Variants in CORIN observed in about 807,000 individuals in gnomAD.
CORIN encodes the protein atrial natriuretic peptide-converting enzyme.
A neutral mutation model predicts 125.3 loss-of-function variants in CORIN; 117 were observed. The ratio of observed to expected loss-of-function variants is 0.93; its 90% CI spans 0.80 to 1.09. The LOEUF is 1.09. Ranked by LOEUF, CORIN falls within the 50% of genes least tolerant of loss-of-function variation. The probability of loss-of-function intolerance (pLI) is 0.00; values close to 1 mark genes in which losing one functional copy is unlikely to be tolerated. For missense variants in CORIN, 1,253 were observed against 1,306.7 expected, an observed-to-expected ratio of 0.96 and a Z score of 0.63; for synonymous variants, 450 against 466.4, an observed-to-expected ratio of 0.96 and a Z score of 0.45.
intron 2 of CORIN, among the ~76,000 whole-genome samples, chr4:47,800,023 G>A (rs560738524): frequency 2.6e-5 from 4 of 152,230 alleles, no homozygotes; most frequent in Non-Finnish European, 4.4e-5. Context: ...CATACAGAAT[G>A]TCTAGAATAG....
At chr4:47,669,386 C>T (rs1050067514) in intron 10 of CORIN, among the ~76,000 whole-genome samples, 1 of 151,988 alleles carries the variant, frequency 6.6e-6, no homozygotes, top group Non-Finnish European at 1.5e-5. Flanking sequence ...ATCTTTGCCT[C>T]AAACTCTAAA....
At chr4:47,835,166 T>G (rs969687881) in intron 1 of CORIN, among the ~76,000 whole-genome samples, 9 of 152,084 alleles carry the variant, frequency 5.9e-5, no homozygotes, top group Admixed American at 3.9e-4. Flanking sequence ...AGTCTTGGAA[T>G]CCCTTGAGTG....
At chr4:47,756,562 T>C (rs1326813066) in intron 4 of CORIN, among the ~76,000 whole-genome samples, 2 of 152,220 alleles carry the variant, frequency 1.3e-5, no homozygotes, top group African/African-American at 2.4e-5. Context: ...AACTGTAGTA[T>C]ACTATGGAAA....
chr4:47,716,576 C>T (rs1727101989), intron 5 of CORIN, among the ~76,000 whole-genome samples: 1 of 152,068 alleles, frequency 6.6e-6, no homozygotes, highest in African/African-American at 2.4e-5. Context: ...GGAAATTTTT[C>T]ACTTAATATT....
chr4:47,623,069 C>CCTCTCTCTCTCTCTCTCTCT (rs372736248), intron 19 of CORIN, among the ~76,000 whole-genome samples: 35 of 93,526 alleles, frequency 3.7e-4, no homozygotes, highest in African/African-American at 1.1e-3. Context: ...CATAACATAA[C>CCTCTCTCTCTCTCTCTCTCT]CTCTCTCTCT....
At chr4:47,632,564 G>C (rs73140099) in intron 16 of CORIN, 43 of 152,278 alleles carry the variant, frequency 2.8e-4, no homozygotes, top group African/African-American at 1.0e-3. Context: ...CTCTGCTACA[G>C]AAACATTTCT....
At chr4:47,823,814 AGACG>A (rs1732622589) in intron 1 of CORIN, among the ~76,000 whole-genome samples, 1 of 152,214 alleles carries the variant, frequency 6.6e-6, no homozygotes, top group Admixed American at 6.5e-5. Flanking sequence ...ACCCTGTCCC[AGACG>A]CCGTGCTCAT....
chr4:47,783,176 T>C (rs927555867), intron 3 of CORIN, among the ~76,000 whole-genome samples: 28 of 152,006 alleles, frequency 1.8e-4, no homozygotes, highest in Admixed American at 2.6e-4. Flanking sequence ...AAGTTAAATA[T>C]ATATTTAAAT....
chr4:47,756,620 T>C (rs1239594529), intron 4 of CORIN, among the ~76,000 whole-genome samples: 2 of 152,144 alleles, frequency 1.3e-5, no homozygotes, highest in African/African-American at 4.8e-5. Flanking sequence ...TCAGGTGTAA[T>C]TTTTAATCTT....
intron 5 of CORIN, among the ~76,000 whole-genome samples, chr4:47,709,497 G>A (rs1431413639): frequency 6.6e-6 from 1 of 151,906 alleles, no homozygotes; most frequent in Non-Finnish European, 1.5e-5. Context: ...TTGCCATGTT[G>A]CCCAGGCTAG....
chr4:47,805,872 C>G (rs1731771678), intron 2 of CORIN, among the ~76,000 whole-genome samples: 1 of 152,190 alleles, frequency 6.6e-6, no homozygotes, highest in Admixed American at 6.5e-5. Context: ...GCAATTAGAT[C>G]AGCATCGTCT....
Position 47,626,401 on chromosome 4 carries a change from T to C in CORIN, c.2315+4A>G. The C allele has an allele frequency of 6.6e-6, 10 of 1,526,150 alleles. No homozygotes were observed. The highest frequency in any genetic ancestry group is 9.1e-6 in the Non-Finnish European group (10 of 1,099,884). The allele number at this position is 1,526,150 out of a possible 1,614,324, so 94.5% of individuals were successfully genotyped here. A position where few individuals can be genotyped will look rare whatever the true frequency, so the allele number is the denominator to read the frequency against. On this transcript the variant is annotated splice_donor_region_variant and intron_variant, in intron 17 of 21. Coordinates refer to ENST00000273857, the MANE Select transcript of CORIN (RefSeq NM_006587.4). ...CTACACAGCTCTTATGAATGCATTCTTACCCATTTACTAGAAGTTCATGTA... is the reference window on the plus strand; with the variant it reads ...CTACACAGCTCTTATGAATGCATTCCTACCCATTTACTAGAAGTTCATGTA...
At chr4:47,729,505 A>C (rs745358907) in intron 5 of CORIN, among the ~76,000 whole-genome samples, 33 of 152,274 alleles carry the variant, frequency 2.2e-4, no homozygotes, top group Admixed American at 3.3e-4. Context: ...TACAGCCTAG[A>C]GAGCAAAAAC....
chr4:47,692,314 T>C (rs1725808038), intron 6 of CORIN, among the ~76,000 whole-genome samples: 1 of 152,194 alleles, frequency 6.6e-6, no homozygotes, highest in African/African-American at 2.4e-5. Flanking sequence ...GGTGAACAAA[T>C]AGGACACTAG....
At chr4:47,596,894 T>C (rs1356723094) in intron 21 of CORIN, among the ~76,000 whole-genome samples, 1 of 152,176 alleles carries the variant, frequency 6.6e-6, no homozygotes, top group Non-Finnish European at 1.5e-5. Flanking sequence ...TTTATATTAT[T>C]TATTATATCT....
intron 1 of CORIN, among the ~76,000 whole-genome samples, chr4:47,815,217 C>T (rs558908124): frequency 6.6e-6 from 1 of 152,156 alleles, no homozygotes; most frequent in East Asian, 1.9e-4. Flanking sequence ...CTTTCTCCAA[C>T]CACAAATACC....
At chr4:47,613,701 C>T (rs562139938) in intron 19 of CORIN, among the ~76,000 whole-genome samples, 32 of 145,514 alleles carry the variant, frequency 2.2e-4, no homozygotes, top group Middle Eastern at 3.4e-3. Flanking sequence ...AGTAAACTAT[C>T]GCAAGAACAA....
intron 4 of CORIN, among the ~76,000 whole-genome samples, chr4:47,762,677 A>T (rs1729522915): frequency 1.3e-5 from 2 of 152,136 alleles, no homozygotes; most frequent in Admixed American, 1.3e-4. Flanking sequence ...GGACTTTTGA[A>T]CTGATGAGAT....
intron 4 of CORIN, among the ~76,000 whole-genome samples, chr4:47,761,571 A>C (rs1729463463): frequency 1.3e-5 from 2 of 152,176 alleles, no homozygotes; most frequent in African/African-American, 4.8e-5. Context: ...TTGCCACAAC[A>C]TGGATCAACC....
Sources: gnomAD v4.1 joint callset for allele counts (sites outside exome capture counted in the v4.1 genomes callset) on GRCh38, gnomAD v4.1.1 for gene constraint, MANE v1.5 for transcripts, NCBI Gene and HGNC (gene_info 2026-07-23, HGNC 2026-07-21) for gene names.